Variants in PLAAT3 observed in about 807,000 individuals in gnomAD.
PLAAT3 encodes phospholipase A and acyltransferase 3.
PLAAT3 carries 21 observed loss-of-function variants against 16.7 expected under a neutral mutation model. The ratio of observed to expected loss-of-function variants is 1.26; its 90% CI spans 0.89 to 1.81. PLAAT3 has a LOEUF of 1.81. PLAAT3 is among the 40% of genes most tolerant of loss of function. The probability of loss-of-function intolerance (pLI) is 0.00; values close to 1 mark genes in which losing one functional copy is unlikely to be tolerated. For synonymous variants in PLAAT3, 76 were observed against 81.7 expected, an observed-to-expected ratio of 0.93 and a Z score of 0.38; for missense variants, 219 against 213.7, an observed-to-expected ratio of 1.02 and a Z score of -0.16.
intron 2 of PLAAT3, among the ~76,000 whole-genome samples, chr11:63,598,534 T>G (rs1938350070): frequency 6.6e-6 from 1 of 152,262 alleles, no homozygotes; most frequent in African/African-American, 2.4e-5. Context: ...CATCCAATGA[T>G]GAACCCCATT....
chr11:63,576,314 A>C (rs1253334612), intron 4 of PLAAT3, among the ~76,000 whole-genome samples: 1 of 152,144 alleles, frequency 6.6e-6, no homozygotes, highest in Non-Finnish European at 1.5e-5. Flanking sequence ...AAAACTGTTC[A>C]GCACAGTATG....
rs114670837 is a variant in PLAAT3, at chr11:63,582,374, G to C, written c.388-7328C>G. Among the ~76,000 whole-genome samples, 851 of 152,262 alleles carry C rather than the reference G, an allele frequency of 5.6e-3. 8 individuals are homozygous for C. The highest frequency in any genetic ancestry group is 0.02 in the African/African-American group (812 of 41,544). On this transcript the variant is annotated intron_variant, in intron 4 of 4. Coordinates refer to ENST00000415826, the MANE Select transcript of PLAAT3 (RefSeq NM_001128203.2). ...GGCCAAGGAGCAACCAGCACAGAGG[G>C]AAGAAGGGCCATCTCTGGGATAGAC...
rs772418797 is a variant in PLAAT3, at chr11:63,590,125, C to T, written c.362G>A (p.Arg121His). 1.9e-5 allele frequency: 31 copies of T among 1,614,030 alleles called. No homozygotes were observed. Among genetic ancestry groups the T allele is most frequent in the South Asian group, 7.7e-5 (7 of 91,082 alleles). ...CTGGTCACTGCGGGCGACTCCATAG[C>T]GCAGCTCATTCACAAAGTGCTCGCA... Reference protein sequence around the residue: ...ENCEHFVNELRYGVARSDQVR... With the variant: ...ENCEHFVNELHYGVARSDQVR... The change falls in exon 4 of 5, where the codon CGC becomes CAC. Residue 121 changes from arginine (R) to histidine (H), a missense_variant. Coordinates refer to ENST00000415826, the MANE Select transcript of PLAAT3 (RefSeq NM_001128203.2).
upstream of PLAAT3, among the ~76,000 whole-genome samples, chr11:63,615,034 A>G (rs1218690888): frequency 1.8e-4 from 5 of 28,060 alleles, 1 homozygote; most frequent in Non-Finnish European, 2.9e-4. Flanking sequence ...ATATGTGTGT[A>G]TATATATGTA....
intron 4 of PLAAT3, among the ~76,000 whole-genome samples, chr11:63,580,877 C>T (rs947842287): frequency 1.3e-5 from 2 of 152,146 alleles, no homozygotes; most frequent in South Asian, 2.1e-4. Flanking sequence ...AACGGAGGAC[C>T]AGCTGAAGCC....
intron 3 of PLAAT3, among the ~76,000 whole-genome samples, chr11:63,593,366 T>C: frequency 6.6e-6 from 1 of 152,128 alleles, no homozygotes; most frequent in Non-Finnish European, 1.5e-5. Context: ...ATGAAGCATC[T>C]AGAACAGAAG....
upstream of PLAAT3, among the ~76,000 whole-genome samples, chr11:63,615,017 A>T (rs1330100880): frequency 2.3e-4 from 4 of 17,520 alleles, no homozygotes; most frequent in Non-Finnish European, 1.4e-3. Context: ...TCAGTCTCAA[A>T]ATATATATAT....
At chr11:63,575,242 C>A (rs1437699767) in intron 4 of PLAAT3, among the ~76,000 whole-genome samples, 196 bp from the exon 5 acceptor site, 1 of 152,224 alleles carries the variant, frequency 6.6e-6, no homozygotes, top group African/African-American at 2.4e-5. Flanking sequence ...CTGGAGCCAG[C>A]TGGCCTGAAA....
chr11:63,609,094 G>A lies in PLAAT3; in HGVS notation c.15+4906C>T, dbSNP rs143926039. Among the ~76,000 whole-genome samples, 1,063 of 152,254 alleles carry A rather than the reference G, an allele frequency of 7.0e-3. 6 individuals are homozygous for A. The highest frequency in any genetic ancestry group is 0.02 in the Middle Eastern group (6 of 294). The stretch of plus-strand genomic sequence containing the variant: ...TTTGGAAAGGTCACAGACCGCTCTC[G>A]GACCAGGTGGAGACACTGTGGAGGC... On this transcript the variant is annotated intron_variant, in intron 2 of 4. Coordinates refer to ENST00000415826, the MANE Select transcript of PLAAT3 (RefSeq NM_001128203.2).
At chr11:63,590,394 A>G in intron 3 of PLAAT3, 26 bp from the exon 4 acceptor site, 1 of 1,610,420 alleles carries the variant, frequency 6.2e-7, no homozygotes, top group Non-Finnish European at 8.5e-7. Flanking sequence ...GAGGAAACAG[A>G]GGGATTGGTC....
intron 4 of PLAAT3, among the ~76,000 whole-genome samples, chr11:63,586,671 A>T (rs1937987103): frequency 2.6e-5 from 4 of 152,190 alleles, no homozygotes; most frequent in Admixed American, 1.3e-4. Flanking sequence ...CCAATGATGA[A>T]ACTCAATTTG....
chr11:63,611,373 AC>A (rs1419035659), intron 2 of PLAAT3, among the ~76,000 whole-genome samples: 2 of 151,932 alleles, frequency 1.3e-5, no homozygotes, highest in East Asian at 3.9e-4. Flanking sequence ...ATAAAATACC[AC>A]TCCCCCAAAA....
At chr11:63,591,207 C>A (rs1056683459) in intron 3 of PLAAT3, among the ~76,000 whole-genome samples, 1 of 152,128 alleles carries the variant, frequency 6.6e-6, no homozygotes, top group Non-Finnish European at 1.5e-5. Flanking sequence ...CATGGCAAAA[C>A]TCCGTCTCTA....
chr11:63,586,559 C>T (rs1246278158), intron 4 of PLAAT3, among the ~76,000 whole-genome samples: 1 of 152,216 alleles, frequency 6.6e-6, no homozygotes, highest in Non-Finnish European at 1.5e-5. Context: ...TATCTTATTG[C>T]TTCCCAAGGT....
intron 4 of PLAAT3, among the ~76,000 whole-genome samples, chr11:63,586,089 C>A (rs1365205012): frequency 6.6e-6 from 1 of 151,992 alleles, no homozygotes; most frequent in Non-Finnish European, 1.5e-5. Context: ...TGGTGATGTG[C>A]ACCCATAGTC....
At chr11:63,600,491 C>T (rs1216770174) in intron 2 of PLAAT3, among the ~76,000 whole-genome samples, 1 of 152,130 alleles carries the variant, frequency 6.6e-6, no homozygotes, top group East Asian at 1.9e-4. Flanking sequence ...GTGATTGTCA[C>T]AGGGGTTGAG....
chr11:63,611,200 C>T (rs1052639162), intron 2 of PLAAT3, among the ~76,000 whole-genome samples: 2 of 152,100 alleles, frequency 1.3e-5, no homozygotes, highest in African/African-American at 4.8e-5. Flanking sequence ...CTCGACCTCC[C>T]GGGCTCAAGT....
At chr11:63,594,170 C>T (rs905006597) in intron 3 of PLAAT3, among the ~76,000 whole-genome samples, 4 of 152,202 alleles carry the variant, frequency 2.6e-5, no homozygotes, top group African/African-American at 9.7e-5. Flanking sequence ...CCACTGGAGC[C>T]TCCCATTTGG....
chr11:63,615,056 A>ATATATGTG (rs1565259551), upstream of PLAAT3, among the ~76,000 whole-genome samples: 2 of 27,878 alleles, frequency 7.2e-5, no homozygotes, highest in African/African-American at 1.9e-4. Context: ...ATATATGTGT[A>ATATATGTG]TATATATGTG....
Sources: gnomAD v4.1 joint callset for allele counts (sites outside exome capture counted in the v4.1 genomes callset) on GRCh38, gnomAD v4.1.1 for gene constraint, MANE v1.5 for transcripts, NCBI Gene and HGNC (gene_info 2026-07-23, HGNC 2026-07-21) for gene names.